The following ADAMTS20 variants were observed in gnomAD, a reference collection of about 807,000 sequenced individuals.
ADAMTS20 encodes A disintegrin and metalloproteinase with thrombospondin motifs 20.
ADAMTS20 carries 225 observed loss-of-function variants against 260.1 expected under a neutral mutation model. The observed-to-expected ratio is 0.87, with a 90% confidence interval of 0.78 to 0.97. The LOEUF (loss-of-function observed/expected upper bound fraction) is 0.97, where lower values mean the gene tolerates loss of function less well. Ranked by LOEUF, ADAMTS20 falls within the 50% of genes least tolerant of loss-of-function variation. ADAMTS20 has a pLI of 0.00. For synonymous variants in ADAMTS20, 802 were observed against 769.5 expected, an observed-to-expected ratio of 1.04 and a Z score of -0.70; for missense variants, 2,400 against 2,337.7, an observed-to-expected ratio of 1.03 and a Z score of -0.55.
At chr12:43,540,456 T>G (rs1466934141) in intron 2 of ADAMTS20, among the ~76,000 whole-genome samples, 1 of 152,230 alleles carries the variant, frequency 6.6e-6, no homozygotes, top group Non-Finnish European at 1.5e-5. Flanking sequence ...TACTTGTCCT[T>G]TTTATTTATT....
At position 43,412,956 on chromosome 12, in the gene ADAMTS20, A is replaced by G. The variant is rs958750213; in HGVS notation, c.4284+12558T>C. Among the ~76,000 whole-genome samples, 3 of 151,660 alleles carry G rather than the reference A, an allele frequency of 2.0e-5. No individual in the cohort carries two copies. The East Asian group carries it at 5.9e-4, about 30-fold the overall frequency. On this transcript the variant is annotated intron_variant, in intron 28 of 38. Coordinates refer to ENST00000389420, the MANE Select transcript of ADAMTS20 (RefSeq NM_025003.5). ...CTCCCAAACAGCTGGGACTACAGGC[A>G]CGCACCACTACCCCCAGCTAACTTT...
intron 28 of ADAMTS20, among the ~76,000 whole-genome samples, chr12:43,400,771 AC>A (rs1269990826): frequency 6.6e-6 from 1 of 151,946 alleles, no homozygotes; most frequent in African/African-American, 2.4e-5. Flanking sequence ...TGTGCTGACT[AC>A]TTTGAGTATG....
intron 29 of ADAMTS20, among the ~76,000 whole-genome samples, chr12:43,387,202 C>T (rs961326244): frequency 3.3e-5 from 5 of 152,138 alleles, no homozygotes; most frequent in African/African-American, 1.2e-4. Flanking sequence ...GATGTTCATG[C>T]CATTGCTTTC....
intron 11 of ADAMTS20, among the ~76,000 whole-genome samples, chr12:43,459,132 ATGTT>A (rs774666212): frequency 1.9e-4 from 29 of 152,056 alleles, no homozygotes; most frequent in Non-Finnish European, 3.5e-4. Flanking sequence ...CTTCTGGTCC[ATGTT>A]TGTTACAGCT....
In ADAMTS20 at chr12:43,432,393, C is replaced by G; in HGVS notation, c.3007G>C (p.Asp1003His). 1 of 1,613,646 alleles carries G rather than the reference C, an allele frequency of 6.2e-7. No homozygotes were observed. The highest frequency in any genetic ancestry group is 8.5e-7 in the Non-Finnish European group (1 of 1,179,852). The change falls in exon 21 of 39, where the codon GAC (aspartate) becomes CAC (histidine). Residue 1003 changes from aspartate to histidine, a missense_variant. Coordinates refer to ENST00000389420, the MANE Select transcript of ADAMTS20 (RefSeq NM_025003.5). ...CGGGACAGTTCTTGGCATTCATTGTCAGCAAGACGATGGCCAAAGTTATTC... is the reference window on the plus strand; with the variant it reads ...CGGGACAGTTCTTGGCATTCATTGTGAGCAAGACGATGGCCAAAGTTATTC... ...CMNNFGHRLA[D>H]NECQELSRVT...
At chr12:43,406,563 A>G (rs1181872936) in intron 28 of ADAMTS20, among the ~76,000 whole-genome samples, 1 of 152,094 alleles carries the variant, frequency 6.6e-6, no homozygotes, top group Admixed American at 6.6e-5. Flanking sequence ...ACAAAACACT[A>G]TCATGTGTAT....
intron 18 of ADAMTS20, among the ~76,000 whole-genome samples, chr12:43,436,134 G>C (rs887261013): frequency 6.6e-6 from 1 of 152,094 alleles, no homozygotes; most frequent in African/African-American, 2.4e-5. Flanking sequence ...AATATGAAAA[G>C]TAGATGGAAA....
intron 7 of ADAMTS20, among the ~76,000 whole-genome samples, chr12:43,483,693 G>A (rs1385360945): frequency 6.6e-6 from 1 of 152,118 alleles, no homozygotes; most frequent in African/African-American, 2.4e-5. Context: ...CTGCTGGCTT[G>A]GAAGGAGAGT....
intron 3 of ADAMTS20, among the ~76,000 whole-genome samples, chr12:43,525,004 A>T (rs1023087712): frequency 3.3e-5 from 5 of 152,238 alleles, no homozygotes; most frequent in Non-Finnish European, 7.3e-5. Flanking sequence ...AGAGATTTAG[A>T]TGTCAAAATA....
chr12:43,389,161 T>C (rs1940545675), intron 29 of ADAMTS20, among the ~76,000 whole-genome samples: 1 of 152,208 alleles, frequency 6.6e-6, no homozygotes, highest in South Asian at 2.1e-4. Flanking sequence ...CTAGCATCAA[T>C]TCAAAAGTCT....
chr12:43,362,220 G>A (rs1446124234), intron 37 of ADAMTS20, among the ~76,000 whole-genome samples: 1 of 152,058 alleles, frequency 6.6e-6, no homozygotes, highest in Admixed American at 6.5e-5. Context: ...ACATATCAAG[G>A]AAAAAACTGT....
intron 28 of ADAMTS20, among the ~76,000 whole-genome samples, chr12:43,405,242 A>C (rs1299878053): frequency 8.1e-5 from 11 of 135,692 alleles, no homozygotes; most frequent in East Asian, 6.1e-4. Context: ...AAAAAAAAAA[A>C]AAAAAAAAAA....
intron 2 of ADAMTS20, 56 bp from the exon 3 acceptor site, chr12:43,532,251 A>AC (rs1943233456): frequency 6.7e-7 from 1 of 1,482,520 alleles, no homozygotes; most frequent in Admixed American, 1.8e-5. Context: ...AGAAGAAAAA[A>AC]CACATAGTAC....
chr12:43,467,533 C>G lies in ADAMTS20; in HGVS notation c.1224-738G>C, dbSNP rs1011377018. On this transcript the variant is annotated intron_variant, in intron 8 of 38. Coordinates refer to ENST00000389420, the MANE Select transcript of ADAMTS20 (RefSeq NM_025003.5). ...CAACTTACCCATATACTAGAGACAC[C>G]TAAAGAGTTTCTCAGGAAGAAAACA... Among the ~76,000 whole-genome samples the G allele has an allele frequency of 1.3e-4, 20 of 152,086 alleles. 1 individual carries two copies. The highest frequency in any genetic ancestry group is 7.9e-4 in the Admixed American group (12 of 15,258).
rs188763751 is a variant in ADAMTS20 at position 43,376,782 on chromosome 12, A to G, written c.4996-129T>C. The G allele has an allele frequency of 1.8e-4, 191 of 1,082,506 alleles. 1 individual carries two copies. In the African/African-American group the frequency reaches 2.8e-3, roughly 16 times the overall value. The allele number at this position is 1,082,506 out of a possible 1,614,324, so 67.1% of individuals were successfully genotyped here. A position where few individuals can be genotyped will look rare whatever the true frequency, so the allele number is the denominator to read the frequency against. On this transcript the variant is annotated intron_variant, in intron 32 of 38. Transcript: ENST00000389420. Reference sequence around the variant, plus strand: ...GGTCAGTAGTGGCTAGATACACAGAAGACACAAAACTATGCTGGGGGCTGG... The same window carrying G: ...GGTCAGTAGTGGCTAGATACACAGAGGACACAAAACTATGCTGGGGGCTGG...
chr12:43,451,468 T>A (rs1941862447), intron 14 of ADAMTS20, among the ~76,000 whole-genome samples: 1 of 149,022 alleles, frequency 6.7e-6, no homozygotes, highest in South Asian at 2.2e-4. Context: ...CAAATGCTTC[T>A]ATGTGTTTCC....
chr12:43,376,049 T>C lies in ADAMTS20; in HGVS notation c.5312+8A>G, dbSNP rs745979258. ...AAATGCTCAGATAGACCAAAACACA[T>C]CTCGTACCTAAAGCCATACACTTCA... On this transcript the variant is annotated splice_region_variant and intron_variant, in intron 35 of 38. Transcript: ENST00000389420. The C allele has an allele frequency of 1.3e-6, 2 of 1,591,878 alleles. No homozygotes were observed. Among genetic ancestry groups the C allele is most frequent in the Non-Finnish European group, 1.7e-6 (2 of 1,170,706 alleles).
At chr12:43,450,900 A>C (rs1941853160) in intron 14 of ADAMTS20, among the ~76,000 whole-genome samples, 1 of 152,136 alleles carries the variant, frequency 6.6e-6, no homozygotes, top group African/African-American at 2.4e-5. Context: ...TCCACTAAAA[A>C]TAGAACTACC....
At chr12:43,377,608 C>G (rs372940380) in intron 31 of ADAMTS20, 46 bp from the exon 32 acceptor site, 2 of 1,503,286 alleles carry the variant, frequency 1.3e-6, no homozygotes, top group Non-Finnish European at 1.8e-6. Flanking sequence ...TTAACTTTAG[C>G]CAGGGCCTAA....
Sources: allele counts gnomAD v4.1 joint callset (sites outside exome capture counted in the v4.1 genomes callset), GRCh38; gene constraint gnomAD v4.1.1; transcripts MANE v1.5; gene names NCBI Gene and HGNC (gene_info 2026-07-23, HGNC 2026-07-21).